Variants in PFKFB2 observed in about 807,000 individuals in gnomAD.
The protein encoded by PFKFB2 is 6-phosphofructo-2-kinase/fructose-2,6-bisphosphatase 2.
A neutral mutation model predicts 68.0 loss-of-function variants in PFKFB2; 53 were observed. That is an observed-to-expected ratio of 0.78 (90% CI 0.63 to 0.98). The LOEUF (loss-of-function observed/expected upper bound fraction) is 0.98. PFKFB2 is among the 50% of genes least tolerant of loss of function. The pLI is 0.00. For missense variants in PFKFB2, 451 were observed against 642.0 expected (o/e 0.70, Z 3.22); for synonymous variants, 222 against 227.6 (o/e 0.98, Z 0.22).
intron 1 of PFKFB2, among the ~76,000 whole-genome samples, chr1:207,035,751 C>A (rs1242941337): frequency 6.6e-6 from 1 of 152,102 alleles, no homozygotes; most frequent in Non-Finnish European, 1.5e-5. Flanking sequence ...CTAGCATCTG[C>A]TAAGCTTCTG....
In PFKFB2 at chr1:207,065,120, A is replaced by G. The variant is rs1683245198; in HGVS notation, c.592A>G (p.Lys198Glu). 3 of 1,613,954 alleles carry G rather than the reference A, an allele frequency of 1.9e-6. No individual in the cohort carries two copies. Among genetic ancestry groups the G allele is most frequent in the Non-Finnish European group, 2.5e-6 (3 of 1,179,994 alleles). The change falls in exon 8 of 15, where the codon AAA becomes GAA. Residue 198 changes from lysine to glutamate, a missense_variant. Lys to Glu is a moderately conservative substitution (Grantham distance 56). Coordinates refer to ENST00000367080, the MANE Select transcript of PFKFB2 (RefSeq NM_006212.2). ...CTTCCTGAAGAGAATTGAATGCTAC[A>G]AAGTTACCTACCGACCTCTTGACCC... ...EDFLKRIECY[K>E]VTYRPLDPDN...
chr1:207,049,443 C>T, upstream of PFKFB2: 3 of 1,614,198 alleles, frequency 1.9e-6, no homozygotes, highest in Non-Finnish European at 1.7e-6. Context: ...AGTCACAGTA[C>T]TCTTGATTTG....
intron 2 of PFKFB2, chr1:207,048,050 T>A (rs534055679): frequency 6.6e-6 from 1 of 152,558 alleles, no homozygotes; most frequent in South Asian, 2.1e-4. Context: ...AACAAAAAGC[T>A]GAGAAAATTA....
chr1:207,072,095 A>C, intron 14 of PFKFB2, 109 bp from the exon 15 acceptor site: 2 of 1,525,330 alleles, frequency 1.3e-6, no homozygotes, highest in Non-Finnish European at 1.8e-6. Context: ...CTGTGTGCAG[A>C]GGAGCAGGAG....
At chr1:207,057,302 C>CAAAAAAAAAAAAAAAAAAAAAAAA (rs748726221) in intron 2 of PFKFB2, among the ~76,000 whole-genome samples, 1 of 40,400 alleles carries the variant, frequency 2.5e-5, no homozygotes, top group Non-Finnish European at 5.0e-5. Flanking sequence ...AAAAAAACTA[C>CAAAAAAAAAAAAAAAAAAAAAAAA]AAAAAAAAAA....
At position 207,063,829 on chromosome 1, in the gene PFKFB2, G is replaced by T. The variant is rs1164812077; in HGVS notation, c.507G>T (p.Leu169=). 6.2e-7 allele frequency: 1 copy of T among 1,610,752 alleles called. No homozygotes were observed. Among genetic ancestry groups the T allele is most frequent in the South Asian group, 1.1e-5 (1 of 91,030 alleles). The change falls in exon 7 of 15, where the codon CTG becomes CTT. Residue 169 remains leucine, a splice_region_variant and synonymous_variant. Transcript: ENST00000367080. This position sits in a 1 kb window ranked among gnomAD's most constrained non-coding sequence, Gnocchi z 4.1. ...CTGATGTCATTGCTGCCAATATTCT[G>T]GTTGGTGACACCCCTACATATCATC... The part of the protein sequence containing the change: ...DDPDVIAANI[L]EVKVSSPDYP...
At chr1:207,059,084 T>A (rs1028700028) in intron 2 of PFKFB2, among the ~76,000 whole-genome samples, 3 of 152,228 alleles carry the variant, frequency 2.0e-5, no homozygotes, top group African/African-American at 7.2e-5. Flanking sequence ...GCCCTGGTTG[T>A]AGCAGGTGTG....
upstream of PFKFB2, chr1:207,049,083 A>C (rs1265887376): frequency 1.9e-6 from 3 of 1,613,830 alleles, no homozygotes; most frequent in Non-Finnish European, 2.5e-6. Context: ...CTGCTTGTCC[A>C]GTTAATCCTT....
intron 1 of PFKFB2, among the ~76,000 whole-genome samples, chr1:207,041,568 TC>T (rs750613526): frequency 1.3e-5 from 2 of 152,216 alleles, no homozygotes; most frequent in East Asian, 3.8e-4. Flanking sequence ...GTGAACTCAT[TC>T]TTTTCTATGG....
chr1:207,059,972 A>C (rs1558058845), intron 2 of PFKFB2, among the ~76,000 whole-genome samples: 1 of 152,248 alleles, frequency 6.6e-6, no homozygotes, highest in East Asian at 1.9e-4. Flanking sequence ...GTGGGAGGTG[A>C]AGGTGTTTCT....
At position 207,074,547 on chromosome 1, in the gene PFKFB2, C is replaced by T. The variant is rs1683569740; in HGVS notation, c.*2176C>T. On this transcript the variant is annotated 3_prime_UTR_variant, in exon 15 of 15. Coordinates refer to ENST00000367080, the MANE Select transcript of PFKFB2 (RefSeq NM_006212.2). Reference sequence around the variant, plus strand: ...GACCCCGGGTCCTTTACTCGTATGTCCCAAGTAGGATACCATAGGCAGCTT... The same window carrying T: ...GACCCCGGGTCCTTTACTCGTATGTTCCAAGTAGGATACCATAGGCAGCTT... The T allele has an allele frequency of 1.0e-6, 1 of 985,246 alleles. No individual in the cohort carries two copies. The highest frequency in any genetic ancestry group is 1.2e-6 in the Non-Finnish European group (1 of 829,934). The allele number at this position is 985,246 out of a possible 1,614,324, so 61.0% of individuals were successfully genotyped here.
upstream of PFKFB2, chr1:207,050,836 G>A: frequency 1.2e-6 from 2 of 1,613,010 alleles, no homozygotes; most frequent in African/African-American, 1.3e-5. Context: ...CCCGGGTCCG[G>A]CTGGACAGCC....
chr1:207,063,441 TG>T lies in PFKFB2; in HGVS notation c.450+22del, dbSNP rs756745380. ...TTCAAGGTAGGATCTGACTCCATGT[TG>T]GAGGAAAAGGGATGAGTAGAGGTGG... is the stretch of plus-strand genomic sequence containing the variant. On this transcript the variant is annotated intron_variant, in intron 6 of 14. Coordinates refer to ENST00000367080, the MANE Select transcript of PFKFB2 (RefSeq NM_006212.2). This position sits in a 1 kb window ranked among gnomAD's most constrained non-coding sequence, Gnocchi z 4.1. The T allele has an allele frequency of 6.3e-7, 1 of 1,579,816 alleles. No homozygotes were observed. The highest frequency in any genetic ancestry group is 1.7e-5 in the Admixed American group (1 of 59,098).
At position 207,047,916 on chromosome 1, in the gene PFKFB2, C is replaced by T. The variant is rs1682636820; in HGVS notation, c.-18+5704C>T. ...AGAAATGTGAAATTATTTAAAATAA[C>T]TTTAGTGGAGGGATAAGGCTAGCAC... is the stretch of plus-strand genomic sequence containing the variant. On this transcript the variant is annotated intron_variant, in intron 2 of 5. Transcript: ENST00000545806. 2.0e-5 allele frequency: 3 copies of T among 152,246 alleles called. No individual in the cohort carries two copies. The South Asian group carries it at 6.2e-4, about 32-fold the overall frequency. The allele number at this position is 152,246 out of a possible 1,614,324, so 9.4% of individuals were successfully genotyped here. A position where few individuals can be genotyped will look rare whatever the true frequency, so the allele number is the denominator to read the frequency against.
In PFKFB2 at chr1:207,063,815, G is replaced by C. The variant is rs1572725775; in HGVS notation, c.493G>C (p.Ala165Pro). The stretch of plus-strand genomic sequence containing the variant: ...CGTCTGTGATGATCCTGATGTCATT[G>C]CTGCCAATATTCTGGTTGGTGACAC... ...ESVCDDPDVI[A>P]ANILEVKVSS... The change falls in exon 7 of 15, where the codon GCT becomes CCT. Residue 165 changes from alanine (A) to proline (P), a missense_variant. Ala to Pro is a conservative substitution (Grantham distance 27, BLOSUM62 -1). Coordinates refer to ENST00000367080, the MANE Select transcript of PFKFB2 (RefSeq NM_006212.2). This position sits in a 1 kb window ranked among gnomAD's most constrained non-coding sequence, Gnocchi z 4.1. The C allele has an allele frequency of 6.2e-7, 1 of 1,613,472 alleles. No homozygotes were observed.
intron 1 of PFKFB2, among the ~76,000 whole-genome samples, chr1:207,038,166 G>A (rs551776963): frequency 1.3e-5 from 2 of 152,128 alleles, no homozygotes; most frequent in African/African-American, 4.8e-5. Flanking sequence ...TTCCTTTACA[G>A]GAATAAACTT....
chr1:207,061,181 A>ATATCTT (rs1382996626), intron 2 of PFKFB2, among the ~76,000 whole-genome samples: 1 of 88,290 alleles, frequency 1.1e-5, no homozygotes, highest in Non-Finnish European at 2.3e-5. Context: ...ATATATATAT[A>ATATCTT]TATATATATA....
At chr1:207,048,297 C>T (rs952883902), upstream of PFKFB2, 9 of 152,644 alleles carry the variant, frequency 5.9e-5, no homozygotes, top group African/African-American at 2.2e-4. Context: ...TTAAACAGGG[C>T]ACAATCAGTT....
chr1:207,074,131 TTC>T lies in PFKFB2; in HGVS notation c.*1761_*1762del, dbSNP rs199564348. 0.46 allele frequency: 439,348 copies of T among 959,190 alleles called. 104,860 individuals carry two copies. The highest frequency in any genetic ancestry group is 0.74 in the East Asian group (6,408 of 8,626). 59.4% of individuals were successfully genotyped at this position (959,190 alleles called of 1,614,324 possible). A position where few individuals can be genotyped will look rare whatever the true frequency, so the allele number is the denominator to read the frequency against. On this transcript the variant is annotated 3_prime_UTR_variant, in exon 15 of 15. Transcript: ENST00000367080. ...CTGGACATGCATGTATTTAAGTAGC[TTC>T]CCGGATGATTCTGATTCATAGCTCG...
Sources: gnomAD v4.1 joint callset for allele counts (sites outside exome capture counted in the v4.1 genomes callset) on GRCh38, gnomAD v4.1.1 for gene constraint, Gnocchi (gnomAD v3.1) non-coding constraint, MANE v1.5 for transcripts, NCBI Gene and HGNC (gene_info 2026-07-23, HGNC 2026-07-21) for gene names.